The following UHRF2 variants were observed in gnomAD, a reference collection of about 807,000 sequenced individuals.
The protein encoded by UHRF2 is E3 ubiquitin-protein ligase UHRF2.
A neutral mutation model predicts 96.8 loss-of-function variants in UHRF2; 23 were observed. The ratio of observed to expected loss-of-function variants is 0.24; its 90% CI spans 0.17 to 0.34. The LOEUF is 0.34. Ranked by LOEUF, UHRF2 falls within the 10% of genes least tolerant of loss-of-function variation. The pLI, the probability that UHRF2 is intolerant of heterozygous loss-of-function variation, is 1.00. For missense variants in UHRF2, 685 were observed against 981.5 expected, an observed-to-expected ratio of 0.70 and a Z score of 4.04; for synonymous variants, 385 against 332.6, an observed-to-expected ratio of 1.16 and a Z score of -1.72.
rs549038695 is a variant in UHRF2 at position 6,477,932 on chromosome 9, T to A, written c.1160+124T>A. On this transcript the variant is annotated intron_variant, in intron 6 of 15. Coordinates refer to ENST00000276893, the MANE Select transcript of UHRF2 (RefSeq NM_152896.3). ...AAAGTGCTTAAAATGTTATGGCCAG[T>A]GGTTACTTAGCATTCATAGCTCTAT... is the stretch of plus-strand genomic sequence containing the variant. 2.1e-5 allele frequency: 17 copies of A among 805,842 alleles called. No individual in the cohort carries two copies. The South Asian group carries it at 3.4e-4, about 16-fold the overall frequency. The allele number at this position is 805,842 out of a possible 1,614,324, so 49.9% of individuals were successfully genotyped here. A position where few individuals can be genotyped will look rare whatever the true frequency, so the allele number is the denominator to read the frequency against.
chr9:6,488,562 T>G (rs1309595108), intron 9 of UHRF2, among the ~76,000 whole-genome samples: 3 of 145,700 alleles, frequency 2.1e-5, no homozygotes, highest in Non-Finnish European at 4.5e-5. Flanking sequence ...TTTTTTTTTT[T>G]TTGAGATGGA....
At chr9:6,450,777 A>G (rs147123011) in intron 3 of UHRF2, among the ~76,000 whole-genome samples, 51 of 152,320 alleles carry the variant, frequency 3.3e-4, no homozygotes, top group Admixed American at 5.9e-4. Context: ...TTAAAGTGAC[A>G]TAATAGTTTT....
intron 13 of UHRF2, 60 bp downstream of exon 13, chr9:6,499,991 A>C: frequency 7.4e-7 from 1 of 1,345,092 alleles, no homozygotes; most frequent in Non-Finnish European, 1.0e-6. Context: ...GTTGTTGTTG[A>C]GACGGGGTCT....
intron 14 of UHRF2, among the ~76,000 whole-genome samples, chr9:6,500,974 C>G (rs1470069996): frequency 1.3e-5 from 2 of 152,150 alleles, no homozygotes; most frequent in African/African-American, 4.8e-5. Context: ...GAAGAATTTT[C>G]AGTTTGTGAA....
intron 3 of UHRF2, among the ~76,000 whole-genome samples, chr9:6,437,473 TC>T (rs529525143): frequency 6.4e-4 from 98 of 152,178 alleles, no homozygotes; most frequent in Non-Finnish European, 7.9e-4. Flanking sequence ...CCTCAGGTGA[TC>T]CACCTACCTC....
intron 3 of UHRF2, among the ~76,000 whole-genome samples, chr9:6,444,615 G>T (rs1411608765): frequency 3.3e-5 from 5 of 151,228 alleles, no homozygotes; most frequent in African/African-American, 7.3e-5. Flanking sequence ...CTTTTTTTTT[G>T]GTTTAGACTG....
At chr9:6,458,731 G>T (rs1188623227) in intron 3 of UHRF2, among the ~76,000 whole-genome samples, 1 of 152,074 alleles carries the variant, frequency 6.6e-6, no homozygotes. Context: ...ATACCCAAAG[G>T]ATTATAAATC....
intron 3 of UHRF2, among the ~76,000 whole-genome samples, chr9:6,435,052 G>C (rs992055914): frequency 5.3e-5 from 8 of 151,704 alleles, no homozygotes; most frequent in African/African-American, 1.9e-4. Flanking sequence ...CTGTCACTCA[G>C]GCTGGGAGTA....
In UHRF2 at chr9:6,481,699, T is replaced by C. The variant is rs200921548; in HGVS notation, c.1217T>C (p.Leu406Pro). 7.4e-6 allele frequency: 12 copies of C among 1,613,744 alleles called. No homozygotes were observed. The highest frequency in any genetic ancestry group is 9.3e-6 in the Non-Finnish European group (11 of 1,179,872). ...GAAGTTGTAAAGGCTGGTGAAAGACTCAAGATGAGTAAAAAGAAAGCAAAG... is the reference window on the plus strand; with the variant it reads ...GAAGTTGTAAAGGCTGGTGAAAGACCCAAGATGAGTAAAAAGAAAGCAAAG... ...SSEVVKAGER[L>P]KMSKKKAKMP... The change falls in exon 7 of 16, where the codon CTC (leucine) becomes CCC (proline). Residue 406 changes from leucine (L) to proline (P), a missense_variant. This residue lies in a region of UHRF2 where 391 missense variants were observed against 437.0 expected (regional missense o/e 0.89). Transcript: ENST00000276893.
chr9:6,422,185 C>G (rs1480248577), intron 2 of UHRF2, among the ~76,000 whole-genome samples: 1 of 152,164 alleles, frequency 6.6e-6, no homozygotes, highest in African/African-American at 2.4e-5. Context: ...ATCTGTGTTC[C>G]TATTCTCTTG....
At chr9:6,445,979 C>G (rs535874137) in intron 3 of UHRF2, among the ~76,000 whole-genome samples, 1,121 of 90,072 alleles carry the variant, frequency 0.012, 16 homozygotes, top group Non-Finnish European at 0.02. Context: ...CCCCCCGCCA[C>G]CCTTTTTTTT....
chr9:6,431,720 A>C (rs944442008), intron 2 of UHRF2, among the ~76,000 whole-genome samples: 1 of 152,164 alleles, frequency 6.6e-6, no homozygotes, highest in African/African-American at 2.4e-5. Context: ...GTGTCTGTTA[A>C]CTTTAGTTTA....
rs151202749 is a variant in UHRF2, at chr9:6,467,010, A to G, written c.863+6219A>G. Reference sequence around the variant, plus strand: ...TTTTATTTATTATCACCCCATTTGTATTTAGTTTCCTATTGCTGCTACAAC... The same window carrying G: ...TTTTATTTATTATCACCCCATTTGTGTTTAGTTTCCTATTGCTGCTACAAC... On this transcript the variant is annotated intron_variant, in intron 4 of 15. Transcript: ENST00000276893. 6.2e-3 allele frequency among the ~76,000 whole-genome samples: 944 copies of G among 152,300 alleles called. 5 individuals carry two copies. The highest frequency in any genetic ancestry group is 0.02 in the Middle Eastern group (6 of 294).
chr9:6,434,251 T>A, intron 3 of UHRF2, 78 bp downstream of exon 3: 1 of 1,458,542 alleles, frequency 6.9e-7, no homozygotes, highest in Non-Finnish European at 9.1e-7. Context: ...AAGATTATTT[T>A]AAATAGTCTT....
intron 9 of UHRF2, among the ~76,000 whole-genome samples, chr9:6,492,136 A>G (rs1824701615): frequency 6.6e-6 from 1 of 152,230 alleles, no homozygotes; most frequent in Non-Finnish European, 1.5e-5. Flanking sequence ...GTAATGATTA[A>G]AGTACAAATG....
chr9:6,503,297 T>G (rs1378456484), intron 14 of UHRF2, among the ~76,000 whole-genome samples: 2 of 152,146 alleles, frequency 1.3e-5, no homozygotes, highest in East Asian at 3.8e-4. Context: ...TGCTTGGCCT[T>G]AACTTTTTCT....
chr9:6,413,794 G>T, intron 1 of UHRF2, 151 bp downstream of exon 1: 1 of 1,020,186 alleles, frequency 9.8e-7, no homozygotes, highest in East Asian at 3.4e-5. Flanking sequence ...CGCGGGGTGC[G>T]GGGCCCAGTC....
chr9:6,413,460 A>T lies in UHRF2; in HGVS notation c.-31A>T, dbSNP rs1363540454. 6.7e-7 allele frequency: 1 copy of T among 1,487,064 alleles called. No individual in the cohort carries two copies. Among genetic ancestry groups the T allele is most frequent in the Non-Finnish European group, 9.0e-7 (1 of 1,107,388 alleles). The allele number at this position is 1,487,064 out of a possible 1,614,324, so 92.1% of individuals were successfully genotyped here. On this transcript the variant is annotated 5_prime_UTR_variant, in exon 1 of 16. Transcript: ENST00000276893. ...CGGCGCCCAGAGCTCAGGGGGAGACAAAGGGGACCGGTTCCTCTCTAGGCG... is the reference window on the plus strand; with the variant it reads ...CGGCGCCCAGAGCTCAGGGGGAGACTAAGGGGACCGGTTCCTCTCTAGGCG...
intron 10 of UHRF2, 96 bp from the exon 11 acceptor site, chr9:6,497,102 A>C: frequency 2.0e-6 from 2 of 1,021,578 alleles, no homozygotes; most frequent in Non-Finnish European, 1.4e-6. Context: ...CTTAACCATC[A>C]GGTAAGGTAT....
Sources: gnomAD v4.1 joint callset for allele counts (sites outside exome capture counted in the v4.1 genomes callset) on GRCh38, gnomAD v4.1.1 for gene constraint, gnomAD v4.1.1 regional missense constraint, MANE v1.5 for transcripts, NCBI Gene and HGNC (gene_info 2026-07-23, HGNC 2026-07-21) for gene names.